Variants in ADCYAP1R1 observed in about 807,000 individuals in gnomAD.
The protein encoded by ADCYAP1R1 is ADCYAP receptor type I.
ADCYAP1R1 carries 44 observed loss-of-function variants against 67.6 expected under a neutral mutation model. The observed-to-expected ratio is 0.65, with a 90% CI of 0.51 to 0.84. The LOEUF is 0.84. ADCYAP1R1 is among the 40% of genes least tolerant of loss of function. The pLI is 0.00. For missense variants in ADCYAP1R1, 477 were observed against 587.9 expected (o/e 0.81, Z 1.95); for synonymous variants, 222 against 219.6 (o/e 1.01, Z -0.10).
At position 31,108,681 on chromosome 7, in the gene ADCYAP1R1, G is replaced by A. The variant is rs1052142447; in HGVS notation, c.*1997G>A. 1 of 152,060 alleles carries A rather than the reference G, an allele frequency of 6.6e-6. No homozygotes were observed. The highest frequency in any genetic ancestry group is 6.6e-5 in the Admixed American group (1 of 15,258). The allele number at this position is 152,060 out of a possible 1,614,324, so 9.4% of individuals were successfully genotyped here. On this transcript the variant is annotated 3_prime_UTR_variant, in exon 16 of 16. Coordinates refer to ENST00000304166, the MANE Select transcript of ADCYAP1R1 (RefSeq NM_001118.5). ...GCCCTGCACGTAAGTGATTTTTCCAGTTCAAAGTCAAGACAGGTAAAAGGG... is the reference window on the plus strand; with the variant it reads ...GCCCTGCACGTAAGTGATTTTTCCAATTCAAAGTCAAGACAGGTAAAAGGG...
chr7:31,086,332 G>A lies in ADCYAP1R1; in HGVS notation c.670-52G>A. Reference sequence around the variant, plus strand: ...CCAACGGGCCCTAGGATTCTCCCTTGCTCCTGTTCCTGTTGGGCTCACGCC... The same window carrying A: ...CCAACGGGCCCTAGGATTCTCCCTTACTCCTGTTCCTGTTGGGCTCACGCC... On this transcript the variant is annotated intron_variant, in intron 9 of 15. Coordinates refer to ENST00000304166, the MANE Select transcript of ADCYAP1R1 (RefSeq NM_001118.5). The surrounding 1 kb of genome is among the most constrained non-coding windows in gnomAD (Gnocchi z 5.0). 1 of 1,592,348 alleles carries A rather than the reference G, an allele frequency of 6.3e-7. No individual in the cohort carries two copies. The highest frequency in any genetic ancestry group is 8.6e-7 in the Non-Finnish European group (1 of 1,169,054).
At chr7:31,098,281 G>T (rs1220618681) in intron 13 of ADCYAP1R1, among the ~76,000 whole-genome samples, 1 of 152,196 alleles carries the variant, frequency 6.6e-6, no homozygotes, top group East Asian at 1.9e-4. Context: ...ACCCAGTTAA[G>T]CTATTTTAAT....
intron 13 of ADCYAP1R1, among the ~76,000 whole-genome samples, chr7:31,101,788 G>T (rs1298922219): frequency 6.6e-6 from 1 of 152,202 alleles, no homozygotes; most frequent in Non-Finnish European, 1.5e-5. Flanking sequence ...CACCTTCAGG[G>T]AGTCACAGTC....
At chr7:31,099,022 A>C (rs1292626641) in intron 13 of ADCYAP1R1, among the ~76,000 whole-genome samples, 1 of 152,178 alleles carries the variant, frequency 6.6e-6, no homozygotes, top group African/African-American at 2.4e-5. Context: ...TATCTCTGAC[A>C]CATCTGTCAG....
At position 31,084,762 on chromosome 7, in the gene ADCYAP1R1, C is replaced by A; in HGVS notation, c.464C>A (p.Ala155Asp). 6.2e-7 allele frequency: 1 copy of A among 1,614,050 alleles called. No homozygotes were observed. The highest frequency in any genetic ancestry group is 1.3e-5 in the African/African-American group (1 of 75,022). Residue 155 changes from alanine to aspartate, a missense_variant, in exon 8 of 16, where the codon GCC becomes GAC. Physicochemically the swap from Ala to Asp is moderately radical, Grantham distance 126. Transcript: ENST00000304166. Reference sequence around the variant, plus strand: ...GATTATTACTACCTGTCAGTGAAGGCCCTCTACACGGTTGGCTACAGCACA... The same window carrying A: ...GATTATTACTACCTGTCAGTGAAGGACCTCTACACGGTTGGCTACAGCACA... ...DQDYYYLSVK[A>D]LYTVGYSTSL...
chr7:31,078,033 C>T lies in ADCYAP1R1; in HGVS notation c.200C>T (p.Ala67Val), dbSNP rs1000835880. The change falls in exon 4 of 16, where the codon GCC (alanine) becomes GTC (valine). Residue 67 changes from alanine (A) to valine (V), a missense_variant. By Grantham distance (64) the Ala-to-Val change is moderately conservative. Transcript: ENST00000304166. ...MWDNITCWKP[A>V]HVGEMVLVSC... is the part of the protein sequence containing the mutation. ...GACAACATCACGTGTTGGAAGCCCG[C>T]CCATGTGGGTGAGATGGTCCTGGTC... is the stretch of plus-strand genomic sequence containing the variant. 2.7e-5 allele frequency: 44 copies of T among 1,613,088 alleles called. No homozygotes were observed. The highest frequency in any genetic ancestry group is 3.6e-5 in the Non-Finnish European group (43 of 1,179,508).
At chr7:31,106,441 T>G in intron 15 of ADCYAP1R1, 55 bp from the exon 16 acceptor site, 1 of 1,555,466 alleles carries the variant, frequency 6.4e-7, no homozygotes, top group Non-Finnish European at 8.7e-7. Context: ...GGACAGGGCC[T>G]GGAGGCTGCA....
intron 4 of ADCYAP1R1, among the ~76,000 whole-genome samples, chr7:31,079,250 C>T (rs1304601647): frequency 6.6e-6 from 1 of 152,196 alleles, no homozygotes; most frequent in African/African-American, 2.4e-5. Context: ...GGGCCTTCTA[C>T]CCCATCCCTG....
At chr7:31,096,100 G>T (rs1041125956) in intron 13 of ADCYAP1R1, among the ~76,000 whole-genome samples, 1 of 152,142 alleles carries the variant, frequency 6.6e-6, no homozygotes, top group Admixed American at 6.5e-5. Flanking sequence ...CAGGTAACTG[G>T]TTCAGAAAGG....
intron 15 of ADCYAP1R1, among the ~76,000 whole-genome samples, chr7:31,106,288 C>G (rs1796642287): frequency 6.6e-6 from 1 of 152,220 alleles, no homozygotes; most frequent in African/African-American, 2.4e-5. Context: ...AGGGAAGGGG[C>G]TGTTCCGGTC....
At chr7:31,063,119 A>C in intron 1 of ADCYAP1R1, 75 bp from the exon 2 acceptor site, 3 of 822,744 alleles carry the variant, frequency 3.6e-6, no homozygotes, top group Non-Finnish European at 6.0e-6. Flanking sequence ...AGCTGGGGGA[A>C]TAAGGAAGGG....
At chr7:31,075,400 A>G (rs10268908) in intron 3 of ADCYAP1R1, among the ~76,000 whole-genome samples, 6,785 of 151,840 alleles carry the variant, frequency 0.045, 497 homozygotes, top group African/African-American at 0.15. Context: ...GCCTTCCTTT[A>G]TGATCCCCTA....
chr7:31,053,724 C>T (rs1794123659), intron 1 of ADCYAP1R1, among the ~76,000 whole-genome samples: 1 of 152,244 alleles, frequency 6.6e-6, no homozygotes, highest in African/African-American at 2.4e-5. Flanking sequence ...CAATGTCCCG[C>T]AAAGCCCCCC....
chr7:31,063,346 C>G (rs199601275), intron 2 of ADCYAP1R1, 31 bp downstream of exon 2: 1 of 1,613,434 alleles, frequency 6.2e-7, no homozygotes, highest in South Asian at 1.1e-5. Flanking sequence ...CTCTGGGAGC[C>G]CCAGGCTCAC....
At chr7:31,101,440 A>G (rs1456710324) in intron 13 of ADCYAP1R1, among the ~76,000 whole-genome samples, 6 of 152,160 alleles carry the variant, frequency 3.9e-5, no homozygotes, top group African/African-American at 1.4e-4. Flanking sequence ...CAGGGGCCAC[A>G]GGCATGTTCT....
intron 13 of ADCYAP1R1, among the ~76,000 whole-genome samples, chr7:31,101,640 A>G (rs1379066728): frequency 1.3e-5 from 2 of 152,236 alleles, no homozygotes; most frequent in Admixed American, 6.5e-5. Flanking sequence ...ATGGATAACC[A>G]GAGATGAACA....
chr7:31,078,995 A>G (rs1299115859), intron 4 of ADCYAP1R1, among the ~76,000 whole-genome samples: 1 of 152,208 alleles, frequency 6.6e-6, no homozygotes, highest in Non-Finnish European at 1.5e-5. Flanking sequence ...AGGGGCCACC[A>G]AAACGATAGA....
intron 6 of ADCYAP1R1, among the ~76,000 whole-genome samples, chr7:31,083,088 T>C (rs1795579844): frequency 1.3e-5 from 2 of 152,378 alleles, no homozygotes; most frequent in African/African-American, 4.8e-5. Context: ...TGGAGCCCCT[T>C]TTCTGCAGGT....
intron 3 of ADCYAP1R1, among the ~76,000 whole-genome samples, chr7:31,074,067 G>A (rs1795100861): frequency 6.6e-6 from 1 of 152,170 alleles, no homozygotes; most frequent in Admixed American, 6.5e-5. Context: ...CATCCTCTGG[G>A]CACCAGTAGG....
Sources: allele counts gnomAD v4.1 joint callset (sites outside exome capture counted in the v4.1 genomes callset), GRCh38; gene constraint gnomAD v4.1.1; non-coding constraint Gnocchi (gnomAD v3.1); transcripts MANE v1.5; gene names NCBI Gene and HGNC (gene_info 2026-07-23, HGNC 2026-07-21).